The following CHD1L variants were observed in gnomAD, a reference collection of about 807,000 sequenced individuals.
The protein encoded by CHD1L is ATP-dependent chromatin remodeler CHD1L.
Under a neutral mutation model 115.9 loss-of-function variants are expected in CHD1L, and 118 were observed. That is an observed-to-expected ratio of 1.02 (90% CI 0.88 to 1.19). The LOEUF (loss-of-function observed/expected upper bound fraction) is 1.19, where lower values mean the gene tolerates loss of function less well. Among genes scored for constraint, CHD1L ranks in the 50% most tolerant of loss-of-function variants. CHD1L has a pLI of 0.00. For synonymous variants in CHD1L, 411 were observed against 387.1 expected (o/e 1.06, Z -0.72); for missense variants, 1,179 against 1,065.3 (o/e 1.11, Z -1.49).
chr1:147,231,498 A>C, the CHD1L span, among the ~76,000 whole-genome samples: 1 of 152,124 alleles, frequency 6.6e-6, no homozygotes, highest in Admixed American at 6.5e-5. Context: ...TTTGGGGTGG[A>C]GAGTTCTGTA....
At chr1:147,254,544 G>A (rs587766265) in intron 2 of CHD1L, among the ~76,000 whole-genome samples, 16 of 152,260 alleles carry the variant, frequency 1.1e-4, no homozygotes, top group African/African-American at 3.9e-4. Flanking sequence ...GCAGATCTTG[G>A]CCATCAGTTG....
At chr1:147,285,292 G>T in intron 16 of CHD1L, 32 bp from the exon 17 acceptor site, 1 of 1,596,996 alleles carries the variant, frequency 6.3e-7, no homozygotes, top group South Asian at 1.1e-5. Context: ...GAATCTTCTT[G>T]ACCCTGGTGA....
At position 147,265,974 on chromosome 1, in the gene CHD1L, G is replaced by A. The variant is rs202226947; in HGVS notation, c.782G>A (p.Arg261Gln). Residue 261 changes from arginine to glutamine, a missense_variant, in exon 8 of 23, where the codon CGA becomes CAA. Physicochemically the swap from Arg to Gln is conservative, Grantham distance 43. Transcript: ENST00000369258. ...HKLLQPFLLR[R>Q]VKAEVATELP... ...CTCTTGCAGCCATTTCTGCTGAGGC[G>A]AGTGAAAGCTGAGGTAGCTACAGAG... The A allele has an allele frequency of 1.5e-5, 24 of 1,613,644 alleles. No individual in the cohort carries two copies. Among genetic ancestry groups the A allele is most frequent in the Middle Eastern group, 1.7e-4 (1 of 6,060 alleles).
intron 5 of CHD1L, among the ~76,000 whole-genome samples, chr1:147,257,405 G>C (rs1276931380): frequency 6.6e-6 from 1 of 151,998 alleles, no homozygotes; most frequent in Admixed American, 6.6e-5. Context: ...TTTCATTTAA[G>C]TGAGCATATT....
At position 147,266,099 on chromosome 1, in the gene CHD1L, G is replaced by A; in HGVS notation, c.895+12G>A. 1 of 1,597,932 alleles carries A rather than the reference G, an allele frequency of 6.3e-7. No individual in the cohort carries two copies. Among genetic ancestry groups the A allele is most frequent in the Non-Finnish European group, 8.5e-7 (1 of 1,173,930 alleles). On this transcript the variant is annotated intron_variant, in intron 8 of 22. Coordinates refer to ENST00000369258, the MANE Select transcript of CHD1L (RefSeq NM_004284.6). ...GATGAAAGACCTAGGTAATCAGAGG[G>A]CACTTGTCCATTTAGAAACTAAATG...
At chr1:147,231,821 C>A in the CHD1L span, among the ~76,000 whole-genome samples, 3 of 152,148 alleles carry the variant, frequency 2.0e-5, no homozygotes, top group Non-Finnish European at 4.4e-5. Flanking sequence ...TTTCCAGGTG[C>A]TGTCTGTCGC....
At chr1:147,269,073 T>G (rs1042404088) in intron 10 of CHD1L, among the ~76,000 whole-genome samples, 195 bp downstream of exon 10, 2 of 152,170 alleles carry the variant, frequency 1.3e-5, no homozygotes, top group Admixed American at 1.3e-4. Flanking sequence ...ATTCTTTCGT[T>G]TCCTGAATTT....
chr1:147,286,585 G>T lies in CHD1L; in HGVS notation c.2221+85G>T, dbSNP rs587653021. 7.4e-6 allele frequency: 9 copies of T among 1,220,470 alleles called. No homozygotes were observed. The South Asian group carries it at 7.6e-5, about 10-fold the overall frequency. The allele number at this position is 1,220,470 out of a possible 1,614,324, so 75.6% of individuals were successfully genotyped here. On this transcript the variant is annotated intron_variant, in intron 18 of 22. Transcript: ENST00000369258. ...GGGAGGATGGGGCACTGGGACTGGGGTGGTGGTCCCAGTGTAGTATTGTAC... is the reference window on the plus strand; with the variant it reads ...GGGAGGATGGGGCACTGGGACTGGGTTGGTGGTCCCAGTGTAGTATTGTAC...
At chr1:147,180,764 C>T in the CHD1L span, among the ~76,000 whole-genome samples, 4 of 152,146 alleles carry the variant, frequency 2.6e-5, no homozygotes, top group African/African-American at 4.8e-5. Context: ...GATCAGTGAG[C>T]GGCCTGACAG....
chr1:147,228,041 G>A, the CHD1L span, among the ~76,000 whole-genome samples: 1 of 149,386 alleles, frequency 6.7e-6, no homozygotes, highest in African/African-American at 2.5e-5. Context: ...TAAGTTTTAG[G>A]GTACATGTGC....
chr1:147,275,461 CA>C lies in CHD1L; in HGVS notation c.1382del (p.Asn461ThrfsTer9). The C allele has an allele frequency of 6.2e-7, 1 of 1,612,536 alleles. No individual in the cohort carries two copies. The highest frequency in any genetic ancestry group is 8.5e-7 in the Non-Finnish European group (1 of 1,178,676). ...AGCTGCCAGGGCTCATCGCATTGGC[CA>C]AAACAAGTAAGTGATTTTTTTCTGC... ...QAAARAHRIG[Q>X]NKSVKVIRLI... On this transcript the variant is annotated frameshift_variant, in exon 13 of 23. Coordinates refer to ENST00000369258, the MANE Select transcript of CHD1L (RefSeq NM_004284.6). LOFTEE classifies it high-confidence loss of function.
intron 15 of CHD1L, among the ~76,000 whole-genome samples, chr1:147,280,931 CTTTCT>C (rs1680600582): frequency 6.6e-6 from 1 of 152,148 alleles, no homozygotes; most frequent in Non-Finnish European, 1.5e-5. Flanking sequence ...TTCACCAGTA[CTTTCT>C]TTTAATTATA....
the CHD1L span, among the ~76,000 whole-genome samples, chr1:147,217,204 A>G: frequency 2.0e-5 from 3 of 151,630 alleles, no homozygotes; most frequent in Admixed American, 1.3e-4. Flanking sequence ...GCGCCATTGC[A>G]CTCCAGCCTG....
chr1:147,180,345 T>G, the CHD1L span, among the ~76,000 whole-genome samples: 5,587 of 152,100 alleles, frequency 0.037, 146 homozygotes, highest in South Asian at 0.095. Flanking sequence ...AGGCTGGAGT[T>G]CATTGGCGCG....
At chr1:147,263,194 G>A (rs963655200) in intron 6 of CHD1L, among the ~76,000 whole-genome samples, 8 of 151,972 alleles carry the variant, frequency 5.3e-5, no homozygotes, top group Admixed American at 2.0e-4. Flanking sequence ...TTGGGAGGCC[G>A]AGGCAGGAAG....
the CHD1L span, among the ~76,000 whole-genome samples, chr1:147,200,668 G>C: frequency 6.6e-6 from 1 of 151,814 alleles, no homozygotes; most frequent in African/African-American, 2.4e-5. Context: ...TTGGGGGATT[G>C]AATATCCTAC....
the CHD1L span, chr1:147,179,094 T>G: frequency 4.3e-6 from 7 of 1,614,026 alleles, no homozygotes; most frequent in Non-Finnish European, 5.9e-6. Flanking sequence ...CTGTTGTTGC[T>G]ATCAGAACTG....
At chr1:147,273,947 A>G (rs72691048) in intron 12 of CHD1L, among the ~76,000 whole-genome samples, 3,920 of 152,316 alleles carry the variant, frequency 0.026, 73 homozygotes, top group South Asian at 0.095. Context: ...CTATTCATGG[A>G]TGTGGGTGTG....
chr1:147,258,008 A>T (rs1211579616), intron 5 of CHD1L, among the ~76,000 whole-genome samples: 1 of 152,200 alleles, frequency 6.6e-6, no homozygotes, highest in Admixed American at 6.5e-5. Flanking sequence ...GAATCCCAAC[A>T]ACATAGATAC....
Sources: allele counts gnomAD v4.1 joint callset (sites outside exome capture counted in the v4.1 genomes callset), GRCh38; gene constraint gnomAD v4.1.1; transcripts MANE v1.5; gene names NCBI Gene and HGNC (gene_info 2026-07-23, HGNC 2026-07-21).